Variants in ST6GALNAC3 observed in about 807,000 individuals in gnomAD.
ST6GALNAC3 encodes the protein alpha-N-acetylgalactosaminide alpha-2,6-sialyltransferase 3.
Under a neutral mutation model 32.7 loss-of-function variants are expected in ST6GALNAC3, and 25 were observed. The ratio of observed to expected loss-of-function variants is 0.76; its 90% CI spans 0.56 to 1.07. The LOEUF is 1.07. ST6GALNAC3 is among the 50% of genes least tolerant of loss of function. ST6GALNAC3 has a pLI of 0.00. For missense variants in ST6GALNAC3, 355 were observed against 382.4 expected (o/e 0.93, Z 0.60); for synonymous variants, 129 against 133.1 (o/e 0.97, Z 0.21).
At chr1:76,238,198 T>C (rs1453205224) in intron 1 of ST6GALNAC3, among the ~76,000 whole-genome samples, 1 of 152,246 alleles carries the variant, frequency 6.6e-6, no homozygotes, top group Non-Finnish European at 1.5e-5. Context: ...GTGCTTCCTT[T>C]GTTTTGGTCT....
chr1:76,372,329 G>A (rs1570999570), intron 2 of ST6GALNAC3, among the ~76,000 whole-genome samples: 1 of 151,544 alleles, frequency 6.6e-6, no homozygotes, highest in Non-Finnish European at 1.5e-5. Flanking sequence ...GTATTTATGG[G>A]GTACAATGTA....
chr1:76,323,194 A>G (rs1647002374), intron 2 of ST6GALNAC3, among the ~76,000 whole-genome samples: 2 of 152,094 alleles, frequency 1.3e-5, no homozygotes, highest in African/African-American at 4.8e-5. Context: ...CAGACTATAA[A>G]AATGATTAAG....
At chr1:76,276,617 T>C (rs1335864) in intron 1 of ST6GALNAC3, among the ~76,000 whole-genome samples, 23,173 of 152,096 alleles carry the variant, frequency 0.15, 3,227 homozygotes, top group African/African-American at 0.36. Context: ...AGGAGTAATG[T>C]TGCCAATCTT....
intron 1 of ST6GALNAC3, among the ~76,000 whole-genome samples, chr1:76,170,055 G>T (rs908181792): frequency 6.6e-6 from 1 of 151,936 alleles, no homozygotes; most frequent in African/African-American, 2.4e-5. Flanking sequence ...GCTTGATTTT[G>T]GTATAAGGTG....
At chr1:76,325,767 G>T (rs903930141) in intron 2 of ST6GALNAC3, among the ~76,000 whole-genome samples, 6 of 148,976 alleles carry the variant, frequency 4.0e-5, no homozygotes, top group African/African-American at 1.5e-4. Context: ...TTATATTATT[G>T]CTACCATTGG....
intron 2 of ST6GALNAC3, among the ~76,000 whole-genome samples, chr1:76,363,439 C>T (rs1344668330): frequency 6.6e-6 from 1 of 152,204 alleles, no homozygotes; most frequent in Non-Finnish European, 1.5e-5. Context: ...ACTATCAGCA[C>T]TTTTGTTGAA....
intron 3 of ST6GALNAC3, among the ~76,000 whole-genome samples, chr1:76,463,237 A>G (rs1306175902): frequency 2.0e-5 from 3 of 152,166 alleles, no homozygotes; most frequent in African/African-American, 7.2e-5. Flanking sequence ...TGCTTCTCCA[A>G]ATGTTCACCT....
chr1:76,261,576 C>T (rs991045830), intron 1 of ST6GALNAC3, among the ~76,000 whole-genome samples: 11 of 152,214 alleles, frequency 7.2e-5, no homozygotes, highest in Non-Finnish European at 1.6e-4. Context: ...GTCTCAGTTT[C>T]TTCATAAGAA....
At chr1:76,526,997 A>G (rs1226541522) in intron 3 of ST6GALNAC3, among the ~76,000 whole-genome samples, 1 of 152,132 alleles carries the variant, frequency 6.6e-6, no homozygotes, top group African/African-American at 2.4e-5. Flanking sequence ...ATGAGATACA[A>G]AGCAAATACA....
intron 3 of ST6GALNAC3, among the ~76,000 whole-genome samples, chr1:76,585,415 A>G (rs1646948230): frequency 6.6e-6 from 1 of 151,616 alleles, no homozygotes; most frequent in South Asian, 2.1e-4. Flanking sequence ...AACTATAAAT[A>G]TTCTTAAGGA....
At chr1:76,138,852 C>T (rs1650115552) in intron 1 of ST6GALNAC3, among the ~76,000 whole-genome samples, 1 of 152,050 alleles carries the variant, frequency 6.6e-6, no homozygotes, top group Non-Finnish European at 1.5e-5. Flanking sequence ...TTGTAAAGAT[C>T]TCATTTTCCC....
intron 2 of ST6GALNAC3, among the ~76,000 whole-genome samples, chr1:76,315,619 A>T (rs540451723): frequency 6.6e-6 from 1 of 152,278 alleles, no homozygotes; most frequent in East Asian, 1.9e-4. Flanking sequence ...AGGAGAAAAC[A>T]TAGTTACTGG....
At chr1:76,588,704 C>T (rs1425816800) in intron 3 of ST6GALNAC3, among the ~76,000 whole-genome samples, 1 of 152,176 alleles carries the variant, frequency 6.6e-6, no homozygotes, top group African/African-American at 2.4e-5. Flanking sequence ...GGAGAAGTCA[C>T]CGTATTTCTC....
Position 76,078,145 on chromosome 1 carries a change from T to C in ST6GALNAC3, c.18+3261T>C, listed in dbSNP as rs191727209. ...TGACGGAGCTCGTGTTTTAGAAAGA[T>C]AAGTTTTGAGGCAGTGCCAACTTTG... On this transcript the variant is annotated intron_variant, in intron 1 of 4. Coordinates refer to ENST00000328299, the MANE Select transcript of ST6GALNAC3 (RefSeq NM_152996.4). Among the ~76,000 whole-genome samples, 47 of 152,364 alleles carry C rather than the reference T, an allele frequency of 3.1e-4. No homozygotes were observed. The East Asian group carries it at 7.5e-3, about 24-fold the overall frequency.
At chr1:76,479,968 A>G (rs956797980) in intron 3 of ST6GALNAC3, among the ~76,000 whole-genome samples, 3 of 152,238 alleles carry the variant, frequency 2.0e-5, no homozygotes, top group African/African-American at 7.2e-5. Flanking sequence ...TTTTTTAAAT[A>G]CAATGTACTG....
At chr1:76,362,697 C>A (rs531769350) in intron 2 of ST6GALNAC3, among the ~76,000 whole-genome samples, 1 of 152,354 alleles carries the variant, frequency 6.6e-6, no homozygotes, top group South Asian at 2.1e-4. Flanking sequence ...CCCAACAGGG[C>A]AGTCATTACA....
chr1:76,479,042 C>G (rs113719919), intron 3 of ST6GALNAC3, among the ~76,000 whole-genome samples: 1 of 152,176 alleles, frequency 6.6e-6, no homozygotes, highest in East Asian at 1.9e-4. Context: ...GGATTACAGG[C>G]GTAACCCACC....
intron 1 of ST6GALNAC3, among the ~76,000 whole-genome samples, chr1:76,207,294 C>A (rs753969418): frequency 6.6e-6 from 1 of 152,214 alleles, no homozygotes; most frequent in African/African-American, 2.4e-5. Flanking sequence ...ATGCTAGGCT[C>A]GCCTGCCTGT....
chr1:76,484,706 C>A (rs919934380), intron 3 of ST6GALNAC3, among the ~76,000 whole-genome samples: 3 of 152,036 alleles, frequency 2.0e-5, no homozygotes, highest in African/African-American at 7.2e-5. Flanking sequence ...TAACTGAATA[C>A]CCTTTCTTTC....
Sources: allele counts gnomAD v4.1 joint callset (sites outside exome capture counted in the v4.1 genomes callset), GRCh38; gene constraint gnomAD v4.1.1; transcripts MANE v1.5; gene names NCBI Gene and HGNC (gene_info 2026-07-23, HGNC 2026-07-21).